AK9: variants seen among roughly 807,000 people sequenced by gnomAD.
AK9 encodes the protein adenylate kinase domain containing 1.
In AK9, 191 loss-of-function variants were observed where a neutral mutation model predicts 239.6. The ratio of observed to expected loss-of-function variants is 0.80; its 90% CI spans 0.71 to 0.90. AK9 has a LOEUF of 0.90. Ranked by LOEUF, AK9 falls within the 40% of genes least tolerant of loss-of-function variation. The pLI, the probability that AK9 is intolerant of heterozygous loss-of-function variation, is 0.00. For synonymous variants in AK9, 689 were observed against 721.0 expected (o/e 0.96, Z 0.71); for missense variants, 1,995 against 2,214.7 (o/e 0.90, Z 1.99).
At chr6:109,552,392 G>A (rs970298396) in intron 24 of AK9, among the ~76,000 whole-genome samples, 1 of 152,026 alleles carries the variant, frequency 6.6e-6, no homozygotes, top group East Asian at 1.9e-4. Flanking sequence ...TTTAATAATC[G>A]CCATTTTGGC....
At chr6:109,642,612 T>C (rs1027740419) in intron 9 of AK9, among the ~76,000 whole-genome samples, 3 of 152,014 alleles carry the variant, frequency 2.0e-5, no homozygotes, top group Non-Finnish European at 4.4e-5. Flanking sequence ...GGAAAGTGTG[T>C]CCCAGGTAGT....
intron 7 of AK9, among the ~76,000 whole-genome samples, chr6:109,658,695 T>C (rs768861737): frequency 5.3e-5 from 8 of 152,174 alleles, no homozygotes; most frequent in Non-Finnish European, 5.9e-5. Context: ...TTCAAATGAC[T>C]TTCACTTGTT....
At chr6:109,638,478 T>G (rs375381578) in intron 10 of AK9, among the ~76,000 whole-genome samples, 17 of 152,288 alleles carry the variant, frequency 1.1e-4, no homozygotes, top group East Asian at 7.7e-4. Context: ...GTTTTTGTTT[T>G]TTATTTTATT....
At chr6:109,568,502 A>G (rs1427505934) in intron 21 of AK9, among the ~76,000 whole-genome samples, 1 of 152,066 alleles carries the variant, frequency 6.6e-6, no homozygotes, top group Admixed American at 6.6e-5. Flanking sequence ...CCTGTTTGCA[A>G]ATGACATGAT....
At chr6:109,630,146 A>T (rs912776053) in intron 12 of AK9, among the ~76,000 whole-genome samples, 1 of 152,194 alleles carries the variant, frequency 6.6e-6, no homozygotes, top group Non-Finnish European at 1.5e-5. Flanking sequence ...GATAATAGAG[A>T]GAAGTTTTAA....
At chr6:109,511,832 AAAAATC>A (rs1778782721) in intron 32 of AK9, among the ~76,000 whole-genome samples, 1 of 152,188 alleles carries the variant, frequency 6.6e-6, no homozygotes, top group Non-Finnish European at 1.5e-5. Flanking sequence ...CACCTTATTT[AAAAATC>A]AACCACCATT....
At chr6:109,668,059 C>T (rs1038152807) in intron 5 of AK9, among the ~76,000 whole-genome samples, 33 of 152,306 alleles carry the variant, frequency 2.2e-4, no homozygotes, top group Non-Finnish European at 3.4e-4. Flanking sequence ...CTCTCCAGCA[C>T]CTGTTGTTTC....
At chr6:109,510,589 T>C (rs1249690065) in intron 32 of AK9, among the ~76,000 whole-genome samples, 3 of 152,078 alleles carry the variant, frequency 2.0e-5, no homozygotes, top group Non-Finnish European at 4.4e-5. Flanking sequence ...CAGGGCCTCT[T>C]CTCTGCTGAG....
chr6:109,652,829 T>C (rs547078890), intron 8 of AK9, among the ~76,000 whole-genome samples: 7 of 152,336 alleles, frequency 4.6e-5, no homozygotes, highest in South Asian at 4.1e-4. Flanking sequence ...ATTCACCTCA[T>C]TGATATAAAT....
At chr6:109,627,799 T>C (rs1160994989) in intron 12 of AK9, among the ~76,000 whole-genome samples, 1 of 152,114 alleles carries the variant, frequency 6.6e-6, no homozygotes, top group Non-Finnish European at 1.5e-5. Flanking sequence ...ATTACACATG[T>C]GCACCACCAC....
At chr6:109,533,162 T>G in intron 28 of AK9, 89 bp downstream of exon 28, 2 of 939,442 alleles carry the variant, frequency 2.1e-6, no homozygotes, top group South Asian at 5.1e-5. Context: ...AAAATTAGAA[T>G]ACTATATTTT....
chr6:109,520,601 T>G (rs1198186089), intron 29 of AK9, among the ~76,000 whole-genome samples: 1 of 152,122 alleles, frequency 6.6e-6, no homozygotes, highest in African/African-American at 2.4e-5. Context: ...GGGGCTTCTG[T>G]TTTGGTTCCA....
rs577082087 is a variant in AK9, at chr6:109,511,576, G to A, written c.4280-2196C>T. 3.3e-5 allele frequency among the ~76,000 whole-genome samples: 5 copies of A among 152,306 alleles called. No homozygotes were observed. The East Asian group carries it at 5.8e-4, about 18-fold the overall frequency. On this transcript the variant is annotated intron_variant, in intron 32 of 40. Coordinates refer to ENST00000424296, the MANE Select transcript of AK9 (RefSeq NM_001145128.3). ...AAATGGCTTCTAGTAGCTAGTAAAT[G>A]TGGGTGTGCTCTGTTGTGTGTATAT...
rs565759749 is a variant in AK9, at chr6:109,606,844, T to C, written c.1842+3521A>G. On this transcript the variant is annotated intron_variant, in intron 17 of 40. Coordinates refer to ENST00000424296, the MANE Select transcript of AK9 (RefSeq NM_001145128.3). ...CAAAATAATTTCTGTGCATTCTCCA[T>C]GGCAAGGGAGTGACTCTTCTCTTCC... 4.6e-5 allele frequency among the ~76,000 whole-genome samples: 7 copies of C among 152,342 alleles called. No homozygotes were observed. The South Asian group carries it at 1.2e-3, about 27-fold the overall frequency.
chr6:109,628,512 G>A (rs980949771), intron 12 of AK9, among the ~76,000 whole-genome samples: 11 of 152,152 alleles, frequency 7.2e-5, no homozygotes, highest in African/African-American at 2.7e-4. Flanking sequence ...TTCCCGCAGG[G>A]ATCACGTTAG....
intron 8 of AK9, among the ~76,000 whole-genome samples, chr6:109,650,536 A>G (rs1798775031): frequency 6.6e-6 from 1 of 152,112 alleles, no homozygotes; most frequent in East Asian, 1.9e-4. Flanking sequence ...ATGAGATACC[A>G]TCTCACACCA....
intron 13 of AK9, among the ~76,000 whole-genome samples, chr6:109,614,914 G>A (rs1793986477): frequency 6.6e-6 from 1 of 152,096 alleles, no homozygotes; most frequent in Non-Finnish European, 1.5e-5. Flanking sequence ...TACTCCTATT[G>A]TCAGATTTAG....
At chr6:109,520,097 A>G (rs756350620) in intron 29 of AK9, among the ~76,000 whole-genome samples, 2 of 151,864 alleles carry the variant, frequency 1.3e-5, no homozygotes, top group Non-Finnish European at 2.9e-5. Context: ...CAGAAGCTCC[A>G]TAGTCTTAGG....
At chr6:109,526,754 C>T (rs1186264488) in intron 29 of AK9, among the ~76,000 whole-genome samples, 1 of 152,138 alleles carries the variant, frequency 6.6e-6, no homozygotes, top group Non-Finnish European at 1.5e-5. Flanking sequence ...TTGTGAACTA[C>T]TTGGTTTTCA....
Sources: allele counts gnomAD v4.1 joint callset (sites outside exome capture counted in the v4.1 genomes callset), GRCh38; gene constraint gnomAD v4.1.1; transcripts MANE v1.5; gene names NCBI Gene and HGNC (gene_info 2026-07-23, HGNC 2026-07-21).